Variants in PDE4B observed in about 807,000 individuals in gnomAD.
The protein encoded by PDE4B is 3',5'-cyclic-AMP phosphodiesterase 4B.
In PDE4B, 20 loss-of-function variants were observed where a neutral mutation model predicts 82.2. That is an observed-to-expected ratio of 0.24 (90% CI 0.17 to 0.35). PDE4B has a LOEUF of 0.35. PDE4B is among the 10% of genes least tolerant of loss of function. The pLI is 1.00. For synonymous variants in PDE4B, 320 were observed against 318.9 expected (o/e 1.00, Z -0.04); for missense variants, 655 against 907.2 (o/e 0.72, Z 3.57).
At position 65,942,679 on chromosome 1, in the gene PDE4B, C is replaced by A. The variant is rs551609067; in HGVS notation, c.281+23844C>A. Among the ~76,000 whole-genome samples the A allele has an allele frequency of 3.9e-5, 6 of 152,108 alleles. No homozygotes were observed. In the South Asian group the frequency reaches 1.2e-3, roughly 31 times the overall value. On this transcript the variant is annotated intron_variant, in intron 3 of 16. Transcript: ENST00000341517. ...AAGGGTTTCTTTTTCTCCACATCCT[C>A]TTCAACACTTATCTTTCACTTATTT...
At chr1:65,960,311 T>G (rs974678499) in intron 3 of PDE4B, among the ~76,000 whole-genome samples, 4 of 152,002 alleles carry the variant, frequency 2.6e-5, no homozygotes, top group Non-Finnish European at 5.9e-5. Context: ...GCAAGAATGA[T>G]AGGTCACCAT....
At chr1:65,886,278 T>C (rs1046400481) in intron 1 of PDE4B, among the ~76,000 whole-genome samples, 28 of 152,276 alleles carry the variant, frequency 1.8e-4, no homozygotes, top group Admixed American at 1.6e-3. Flanking sequence ...TATGTATTTA[T>C]GGGGTACATG....
At chr1:66,099,109 C>T (rs1169156328) in intron 3 of PDE4B, among the ~76,000 whole-genome samples, 1 of 152,124 alleles carries the variant, frequency 6.6e-6, no homozygotes, top group Non-Finnish European at 1.5e-5. Context: ...TGGTTTGCTG[C>T]ACCTATCAAC....
At chr1:66,264,418 C>T (rs1157053576) in intron 6 of PDE4B, among the ~76,000 whole-genome samples, 3 of 152,170 alleles carry the variant, frequency 2.0e-5, no homozygotes, top group Non-Finnish European at 4.4e-5. Flanking sequence ...AATTATAAAT[C>T]ATGTGTCAGT....
chr1:66,297,419 T>C (rs1657588644), intron 7 of PDE4B, among the ~76,000 whole-genome samples: 1 of 152,158 alleles, frequency 6.6e-6, no homozygotes, highest in Middle Eastern at 3.2e-3. Flanking sequence ...CCCTACGTAC[T>C]ATATTTCTAC....
At chr1:66,156,472 A>G (rs1222215138) in intron 3 of PDE4B, among the ~76,000 whole-genome samples, 2 of 152,200 alleles carry the variant, frequency 1.3e-5, no homozygotes, top group Non-Finnish European at 2.9e-5. Flanking sequence ...TTTAATTTAC[A>G]AAGTATACTC....
intron 3 of PDE4B, among the ~76,000 whole-genome samples, chr1:66,222,948 T>C (rs1224362143): frequency 6.6e-6 from 1 of 152,214 alleles, no homozygotes; most frequent in Non-Finnish European, 1.5e-5. Flanking sequence ...TAATAAAAGA[T>C]AATTTAAATA....
At chr1:66,320,353 A>C (rs1303626285) in intron 7 of PDE4B, among the ~76,000 whole-genome samples, 5 of 152,180 alleles carry the variant, frequency 3.3e-5, no homozygotes, top group Admixed American at 3.3e-4. Flanking sequence ...TCTGCAAGTG[A>C]TTTTGCAGAA....
At chr1:65,831,914 G>A (rs951017457) in intron 1 of PDE4B, among the ~76,000 whole-genome samples, 1 of 152,130 alleles carries the variant, frequency 6.6e-6, no homozygotes, top group Non-Finnish European at 1.5e-5. Context: ...TTTACTGTAT[G>A]TTAGAACATA....
intron 1 of PDE4B, among the ~76,000 whole-genome samples, chr1:65,804,127 C>T (rs1202213655): frequency 6.6e-6 from 1 of 152,106 alleles, no homozygotes; most frequent in African/African-American, 2.4e-5. Context: ...TAATGGAGAT[C>T]GTAGGGGAAA....
intron 7 of PDE4B, among the ~76,000 whole-genome samples, chr1:66,299,271 C>T (rs745955306): frequency 6.6e-6 from 1 of 152,122 alleles, no homozygotes; most frequent in African/African-American, 2.4e-5. Flanking sequence ...ATTCTACTCT[C>T]TATTATGAGC....
chr1:65,824,744 C>T (rs1001954165), intron 1 of PDE4B, among the ~76,000 whole-genome samples: 1 of 151,972 alleles, frequency 6.6e-6, no homozygotes, highest in African/African-American at 2.4e-5. Flanking sequence ...TTTACAATTT[C>T]ATTTACAGCA....
rs564059974 is a variant in PDE4B at position 65,821,436 on chromosome 1, G to C, written c.-71+28188G>C. Among the ~76,000 whole-genome samples the C allele has an allele frequency of 2.1e-4, 32 of 152,262 alleles. 1 individual carries two copies. The highest frequency in any genetic ancestry group is 7.7e-4 in the African/African-American group (32 of 41,544). On this transcript the variant is annotated intron_variant, in intron 1 of 16. Transcript: ENST00000341517. ...TCTTTGCACATTTTCCTGGAAAGTA[G>C]CATAGATTCTGTATAATAGCTCTTA...
intron 1 of PDE4B, among the ~76,000 whole-genome samples, chr1:65,912,476 A>G (rs552868648): frequency 4.1e-4 from 62 of 152,214 alleles, no homozygotes; most frequent in Non-Finnish European, 6.0e-4. Flanking sequence ...AAATTCTGGT[A>G]GTGTTATAGA....
intron 3 of PDE4B, among the ~76,000 whole-genome samples, chr1:65,937,694 G>C (rs754231788): frequency 6.6e-6 from 1 of 152,152 alleles, no homozygotes; most frequent in Non-Finnish European, 1.5e-5. Context: ...TGTGATTGCC[G>C]TCTTAGGTAT....
chr1:66,075,224 G>A (rs186363125), intron 3 of PDE4B, among the ~76,000 whole-genome samples: 4 of 152,012 alleles, frequency 2.6e-5, no homozygotes, highest in Admixed American at 1.3e-4. Flanking sequence ...ATTATTTCCT[G>A]GGCAAAGCCA....
Position 66,374,187 on chromosome 1 carries a change from A to G in PDE4B, c.*1509A>G, listed in dbSNP as rs1297208328. 1.3e-5 allele frequency: 2 copies of G among 152,682 alleles called. No individual in the cohort carries two copies. Among genetic ancestry groups the G allele is most frequent in the African/African-American group, 4.8e-5 (2 of 41,472 alleles). The allele number at this position is 152,682 out of a possible 1,614,324, so 9.5% of individuals were successfully genotyped here. A position where few individuals can be genotyped will look rare whatever the true frequency, so the allele number is the denominator to read the frequency against. On this transcript the variant is annotated 3_prime_UTR_variant, in exon 17 of 17. Transcript: ENST00000341517. ...TTGAAGAGGTAGCCTCCTGCCTGCCATTAAGCAGGAATGTCATGTTCCAGT... is the reference window on the plus strand; with the variant it reads ...TTGAAGAGGTAGCCTCCTGCCTGCCGTTAAGCAGGAATGTCATGTTCCAGT...
intron 3 of PDE4B, among the ~76,000 whole-genome samples, chr1:66,152,980 C>T (rs1451542280): frequency 1.3e-5 from 2 of 152,138 alleles, no homozygotes; most frequent in Middle Eastern, 6.3e-3. Context: ...ATGTTAACCA[C>T]ATCTACAAAA....
At chr1:66,078,658 C>T (rs952588548) in intron 3 of PDE4B, among the ~76,000 whole-genome samples, 1 of 152,132 alleles carries the variant, frequency 6.6e-6, no homozygotes, top group East Asian at 1.9e-4. Context: ...CTAGTGTTTA[C>T]TGGGCAATTC....
Sources: gnomAD v4.1 joint callset for allele counts (sites outside exome capture counted in the v4.1 genomes callset) on GRCh38, gnomAD v4.1.1 for gene constraint, MANE v1.5 for transcripts, NCBI Gene and HGNC (gene_info 2026-07-23, HGNC 2026-07-21) for gene names.